Variants in ADCYAP1R1 observed in about 807,000 individuals in gnomAD.
The protein encoded by ADCYAP1R1 is pituitary adenylate cyclase-activating polypeptide type I receptor.
A neutral mutation model predicts 67.6 loss-of-function variants in ADCYAP1R1; 44 were observed. That is an observed-to-expected ratio of 0.65 (90% CI 0.51 to 0.84). The LOEUF is 0.84. Ranked by LOEUF, ADCYAP1R1 falls within the 40% of genes least tolerant of loss-of-function variation. The pLI is 0.00. For synonymous variants in ADCYAP1R1, 222 were observed against 219.6 expected, an observed-to-expected ratio of 1.01 and a Z score of -0.10; for missense variants, 477 against 587.9, an observed-to-expected ratio of 0.81 and a Z score of 1.95.
In ADCYAP1R1 at chr7:31,087,664, GT is replaced by G; in HGVS notation, c.923del (p.Val308GlyfsTer96). The G allele has an allele frequency of 6.2e-7, 1 of 1,614,010 alleles. No homozygotes were observed. Among genetic ancestry groups the G allele is most frequent in the Non-Finnish European group, 8.5e-7 (1 of 1,179,942 alleles). On this transcript the variant is annotated frameshift_variant, in exon 12 of 16. Coordinates refer to ENST00000304166, the MANE Select transcript of ADCYAP1R1 (RefSeq NM_001118.5). LOFTEE classifies it high-confidence loss of function. ...DMNDSTALWW[V>X]IKGPVVGSIM... is the part of the protein sequence containing the mutation. Reference sequence around the variant, plus strand: ...GAATGACAGCACAGCTCTGTGGTGGGTGATCAAAGGCCCTGTGGTTGGCTCT... The same window carrying G: ...GAATGACAGCACAGCTCTGTGGTGGGGATCAAAGGCCCTGTGGTTGGCTCT...
chr7:31,083,892 C>T (rs568197577), intron 6 of ADCYAP1R1, among the ~76,000 whole-genome samples: 32 of 152,250 alleles, frequency 2.1e-4, no homozygotes, highest in Admixed American at 1.6e-3. Flanking sequence ...TGGAAATGTT[C>T]GAGAGGGGAG....
At chr7:31,059,565 T>G (rs1345284303) in intron 1 of ADCYAP1R1, among the ~76,000 whole-genome samples, 3 of 151,970 alleles carry the variant, frequency 2.0e-5, no homozygotes, top group African/African-American at 7.3e-5. Context: ...GCTGCAGTGG[T>G]GGGGCTTGGC....
chr7:31,064,690 C>CAG, intron 2 of ADCYAP1R1, 141 bp from the exon 3 acceptor site: 1 of 659,292 alleles, frequency 1.5e-6, no homozygotes, highest in Non-Finnish European at 2.6e-6. Context: ...AGGGCCCCTG[C>CAG]TGGCCCTGAC....
At chr7:31,080,237 G>A (rs1795458588) in intron 4 of ADCYAP1R1, among the ~76,000 whole-genome samples, 1 of 152,230 alleles carries the variant, frequency 6.6e-6, no homozygotes, top group South Asian at 2.1e-4. Context: ...TAGCACCTCT[G>A]TTCACAAAAC....
Position 31,086,851 on chromosome 7 carries a change from G to T in ADCYAP1R1, c.824-92G>T. On this transcript the variant is annotated intron_variant, in intron 10 of 15. Transcript: ENST00000304166. The surrounding 1 kb of genome is among the most constrained non-coding windows in gnomAD (Gnocchi z 5.0). ...CCCAGGAATTCCAAGTCTCATGGGGGAGCAATAGCCTCTCGGAGCCCCAGG... is the reference window on the plus strand; with the variant it reads ...CCCAGGAATTCCAAGTCTCATGGGGTAGCAATAGCCTCTCGGAGCCCCAGG... The T allele has an allele frequency of 7.5e-7, 1 of 1,330,974 alleles. No individual in the cohort carries two copies. Among genetic ancestry groups the T allele is most frequent in the Non-Finnish European group, 1.1e-6 (1 of 924,858 alleles). The allele number at this position is 1,330,974 out of a possible 1,614,324, so 82.4% of individuals were successfully genotyped here. A position where few individuals can be genotyped will look rare whatever the true frequency, so the allele number is the denominator to read the frequency against.
At chr7:31,087,748 A>C in intron 12 of ADCYAP1R1, 52 bp downstream of exon 12, 1 of 1,471,338 alleles carries the variant, frequency 6.8e-7, no homozygotes, top group Non-Finnish European at 9.4e-7. Context: ...CTTGGGCAGA[A>C]AGGCACGCGA....
At chr7:31,053,587 C>G (rs1211778229) in intron 1 of ADCYAP1R1, among the ~76,000 whole-genome samples, 1 of 152,214 alleles carries the variant, frequency 6.6e-6, no homozygotes, top group Non-Finnish European at 1.5e-5. Flanking sequence ...GGAGCCTCAC[C>G]CCTGGATGGA....
At chr7:31,073,921 G>A (rs950609601) in intron 3 of ADCYAP1R1, among the ~76,000 whole-genome samples, 2 of 152,154 alleles carry the variant, frequency 1.3e-5, no homozygotes, top group Admixed American at 6.5e-5. Context: ...ACTCTAGAGG[G>A]GGCTCAGGCT....
chr7:31,093,217 G>A (rs1031855778), intron 13 of ADCYAP1R1, among the ~76,000 whole-genome samples: 2 of 152,194 alleles, frequency 1.3e-5, no homozygotes, highest in Non-Finnish European at 2.9e-5. Flanking sequence ...GGTGTTGGAA[G>A]GTGGGTACTT....
In ADCYAP1R1 at chr7:31,086,494, C is replaced by T. The variant is rs141519354; in HGVS notation, c.780C>T (p.Phe260=). The T allele has an allele frequency of 2.5e-4, 409 of 1,614,226 alleles. No homozygotes were observed. In the East Asian group the frequency reaches 8.2e-3, roughly 33 times the overall value. The change falls in exon 10 of 16, where the codon TTC becomes TTT. Residue 260 remains phenylalanine (F), a synonymous_variant. Coordinates refer to ENST00000304166, the MANE Select transcript of ADCYAP1R1 (RefSeq NM_001118.5). The surrounding 1 kb of genome is among the most constrained non-coding windows in gnomAD (Gnocchi z 5.0). ...YLFTLLVETF[F]PERRYFYWYT... ...TCACTCTGCTGGTGGAGACCTTCTT[C>T]CCTGAAAGGAGATACTTCTACTGGT...
intron 13 of ADCYAP1R1, among the ~76,000 whole-genome samples, chr7:31,099,059 G>A (rs1239124866): frequency 6.6e-6 from 1 of 152,204 alleles, no homozygotes; most frequent in Admixed American, 6.5e-5. Flanking sequence ...CATGGCTTGT[G>A]TCAGCCCAAG....
intron 1 of ADCYAP1R1, among the ~76,000 whole-genome samples, chr7:31,060,185 C>T (rs947269453): frequency 6.0e-4 from 92 of 152,172 alleles, no homozygotes; most frequent in Non-Finnish European, 1.3e-4. Flanking sequence ...AGCTGCCCTT[C>T]CCACAGCAGG....
rs748664001 is a variant in ADCYAP1R1 at position 31,106,646 on chromosome 7, C to A, written c.1369C>A (p.Arg457Ser). Residue 457 changes from arginine (R) to serine (S), a missense_variant, in exon 16 of 16, where the codon CGC (arginine) becomes AGC (serine). Coordinates refer to ENST00000304166, the MANE Select transcript of ADCYAP1R1 (RefSeq NM_001118.5). ...SILSKSSSQI[R>S]MSGLPADNLA... ...CCTGAGCAAGAGCAGCTCCCAAATCCGCATGTCTGGCCTCCCTGCTGACAA... is the reference window on the plus strand; with the variant it reads ...CCTGAGCAAGAGCAGCTCCCAAATCAGCATGTCTGGCCTCCCTGCTGACAA... 1 of 1,612,474 alleles carries A rather than the reference C, an allele frequency of 6.2e-7. No individual in the cohort carries two copies. Among genetic ancestry groups the A allele is most frequent in the Admixed American group, 1.7e-5 (1 of 59,876 alleles).
intron 12 of ADCYAP1R1, among the ~76,000 whole-genome samples, chr7:31,091,850 T>C (rs1274271693): frequency 1.3e-5 from 2 of 152,058 alleles, no homozygotes; most frequent in Admixed American, 1.3e-4. Context: ...TGATCAGTTC[T>C]CCTATTTTTT....
At chr7:31,056,757 A>G (rs1484312769) in intron 1 of ADCYAP1R1, among the ~76,000 whole-genome samples, 2 of 151,764 alleles carry the variant, frequency 1.3e-5, no homozygotes, top group South Asian at 4.2e-4. Flanking sequence ...TGATCACTCC[A>G]CTCCATTGCT....
At chr7:31,100,803 C>A (rs909506433) in intron 13 of ADCYAP1R1, among the ~76,000 whole-genome samples, 1 of 152,200 alleles carries the variant, frequency 6.6e-6, no homozygotes, top group Admixed American at 6.5e-5. Context: ...CTAAGCACTT[C>A]GCCCCAAGGA....
Position 31,086,966 on chromosome 7 carries a change from G to A in ADCYAP1R1, c.847G>A (p.Val283Met). Residue 283 changes from valine (V) to methionine (M), a missense_variant, in exon 11 of 16, where the codon GTG (valine) becomes ATG (methionine). Physicochemically the swap from Val to Met is conservative, Grantham distance 21 (BLOSUM62 1). Transcript: ENST00000304166. This position sits in a 1 kb window ranked among gnomAD's most constrained non-coding sequence, Gnocchi z 5.0. ...AGGGACCCCAACTGTGTGTGTGACA[G>A]TGTGGGCTACGCTGAGACTCTACTT... is the stretch of plus-strand genomic sequence containing the variant. The part of the protein sequence containing the change: ...GWGTPTVCVT[V>M]WATLRLYFDD... The A allele has an allele frequency of 6.2e-7, 1 of 1,614,188 alleles. No individual in the cohort carries two copies.
chr7:31,085,236 C>G (rs1795688035), intron 8 of ADCYAP1R1, 74 bp from the exon 9 acceptor site: 1 of 1,553,094 alleles, frequency 6.4e-7, no homozygotes, highest in Non-Finnish European at 8.7e-7. Context: ...GTTGGCCCAC[C>G]ACAGATGCCC....
rs34731040 is a variant in ADCYAP1R1 at position 31,055,328 on chromosome 7, A to AGTGTGTGT, written c.-72+2674_-72+2681dup. Among the ~76,000 whole-genome samples the AGTGTGTGT allele has an allele frequency of 6.4e-4, 95 of 148,414 alleles. 2 individuals carry two copies. Among genetic ancestry groups the AGTGTGTGT allele is most frequent in the African/African-American group, 2.3e-3 (92 of 40,624 alleles). The stretch of plus-strand genomic sequence containing the variant: ...CTGAGTATTGAATTGAATGGAGGAA[A>AGTGTGTGT]GTGTGTGTGTGTGTGTGTGTGTGTG... On this transcript the variant is annotated intron_variant, in intron 1 of 15. Coordinates refer to ENST00000304166, the MANE Select transcript of ADCYAP1R1 (RefSeq NM_001118.5).
Sources: gnomAD v4.1 joint callset for allele counts (sites outside exome capture counted in the v4.1 genomes callset) on GRCh38, gnomAD v4.1.1 for gene constraint, Gnocchi (gnomAD v3.1) non-coding constraint, MANE v1.5 for transcripts, NCBI Gene and HGNC (gene_info 2026-07-23, HGNC 2026-07-21) for gene names.